SUPT3H: variants seen among roughly 807,000 people sequenced by gnomAD.
SUPT3H encodes the protein transcription initiation protein SPT3 homolog.
SUPT3H carries 44 observed loss-of-function variants against 44.3 expected under a neutral mutation model. The observed-to-expected ratio is 0.99, with a 90% CI of 0.78 to 1.28. SUPT3H has a LOEUF of 1.28. Among genes scored for constraint, SUPT3H ranks in the 50% most tolerant of loss-of-function variants. SUPT3H has a pLI of 0.00. For missense variants in SUPT3H, 380 were observed against 387.1 expected, an observed-to-expected ratio of 0.98 and a Z score of 0.15; for synonymous variants, 124 against 125.6, an observed-to-expected ratio of 0.99 and a Z score of 0.09.
rs550175732 is a variant in SUPT3H, at chr6:44,889,850, C to T, written c.912+42803G>A. 2.4e-3 allele frequency among the ~76,000 whole-genome samples: 358 copies of T among 152,186 alleles called. 1 individual carries two copies. Among genetic ancestry groups the T allele is most frequent in the African/African-American group, 7.8e-3 (326 of 41,534 alleles). ...AACCTACAAAATGGGAGAAAATTTTCGCAACCTACTTATCTGACAAAGGGC... is the reference window on the plus strand; with the variant it reads ...AACCTACAAAATGGGAGAAAATTTTTGCAACCTACTTATCTGACAAAGGGC... On this transcript the variant is annotated intron_variant, in intron 10 of 10. Transcript: ENST00000371459.
intron 10 of SUPT3H, among the ~76,000 whole-genome samples, chr6:44,868,922 A>T (rs1303561620): frequency 1.3e-5 from 2 of 152,122 alleles, no homozygotes; most frequent in Non-Finnish European, 2.9e-5. Flanking sequence ...TGCTATCCCA[A>T]TGGGTGGACC....
At chr6:45,190,270 G>C (rs1418273152) in intron 2 of SUPT3H, among the ~76,000 whole-genome samples, 1 of 151,988 alleles carries the variant, frequency 6.6e-6, no homozygotes, top group Non-Finnish European at 1.5e-5. Context: ...TCTTGAAAAA[G>C]ATTCAAATTC....
At chr6:45,073,422 AAAAGCTTAAT>A (rs1476344242) in intron 3 of SUPT3H, among the ~76,000 whole-genome samples, 1 of 152,056 alleles carries the variant, frequency 6.6e-6, no homozygotes, top group Non-Finnish European at 1.5e-5. Flanking sequence ...AAATACAAAA[AAAAGCTTAAT>A]AAAGATAAAA....
chr6:45,019,583 C>T (rs943237898), intron 4 of SUPT3H, among the ~76,000 whole-genome samples: 9 of 151,996 alleles, frequency 5.9e-5, no homozygotes, highest in African/African-American at 2.2e-4. Context: ...ATCACTCGTT[C>T]TTGACCTTCA....
chr6:44,843,941 ACACAC>A (rs1561872540), intron 10 of SUPT3H, among the ~76,000 whole-genome samples: 2,680 of 151,564 alleles, frequency 0.018, 42 homozygotes, highest in South Asian at 0.039. Context: ...ACACACACAC[ACACAC>A]ACACACACAC....
chr6:45,127,726 C>T, intron 2 of SUPT3H, among the ~76,000 whole-genome samples: 1 of 152,090 alleles, frequency 6.6e-6, no homozygotes, highest in East Asian at 1.9e-4. Context: ...CTTATGTTTA[C>T]TATTTCCTTT....
intron 3 of SUPT3H, among the ~76,000 whole-genome samples, chr6:45,087,225 T>C (rs1022344051): frequency 3.9e-5 from 6 of 151,938 alleles, no homozygotes; most frequent in African/African-American, 1.4e-4. Flanking sequence ...TTTTCGTTGG[T>C]TATTTTTCAA....
intron 2 of SUPT3H, among the ~76,000 whole-genome samples, chr6:45,189,518 A>G (rs910278923): frequency 6.6e-6 from 1 of 152,200 alleles, no homozygotes; most frequent in Admixed American, 6.5e-5. Flanking sequence ...CATTTGACCA[A>G]ATCTATAGAG....
intron 7 of SUPT3H, among the ~76,000 whole-genome samples, chr6:44,961,238 A>G (rs1293319014): frequency 6.6e-6 from 1 of 152,218 alleles, no homozygotes; most frequent in East Asian, 1.9e-4. Context: ...TAGAGCATGT[A>G]CTAATAAATT....
At chr6:44,947,700 T>C (rs1773581665) in intron 9 of SUPT3H, among the ~76,000 whole-genome samples, 1 of 151,904 alleles carries the variant, frequency 6.6e-6, no homozygotes, top group African/African-American at 2.4e-5. Context: ...CAAATGAAAC[T>C]CCAAAAATAA....
chr6:45,235,269 A>G (rs1475660955), intron 2 of SUPT3H, among the ~76,000 whole-genome samples: 1 of 152,208 alleles, frequency 6.6e-6, no homozygotes, highest in Admixed American at 6.5e-5. Flanking sequence ...ACACTTATGA[A>G]TAATTCTAAT....
Position 45,164,030 on chromosome 6 carries a change from G to T in SUPT3H, c.102-58024C>A, listed in dbSNP as rs1354316657. Among the ~76,000 whole-genome samples the T allele has an allele frequency of 2.6e-5, 4 of 152,242 alleles. No homozygotes were observed. The East Asian group carries it at 7.7e-4, about 29-fold the overall frequency. On this transcript the variant is annotated intron_variant, in intron 2 of 10. Transcript: ENST00000371459. ...TCATGATCATTAACAAACATGTAGA[G>T]CAGTGAAAAATCTGAGTAGCTGATA...
chr6:45,347,141 T>C (rs2150165119), intron 2 of SUPT3H, among the ~76,000 whole-genome samples: 1 of 152,282 alleles, frequency 6.6e-6, no homozygotes, highest in South Asian at 2.1e-4. Context: ...GACTAAAGAA[T>C]TATTTACATG....
intron 10 of SUPT3H, among the ~76,000 whole-genome samples, chr6:44,851,848 T>C (rs1183494113): frequency 1.3e-5 from 2 of 152,210 alleles, no homozygotes; most frequent in Non-Finnish European, 2.9e-5. Context: ...ATCAAGATTA[T>C]AAACTCCTAC....
chr6:45,370,878 T>C (rs1369864868), intron 1 of SUPT3H, among the ~76,000 whole-genome samples: 2 of 152,138 alleles, frequency 1.3e-5, no homozygotes, highest in Non-Finnish European at 2.9e-5. Flanking sequence ...CTATTCCATA[T>C]GCTTTCATAT....
chr6:45,136,235 A>G (rs1169930894), intron 2 of SUPT3H, among the ~76,000 whole-genome samples: 2 of 152,230 alleles, frequency 1.3e-5, no homozygotes, highest in East Asian at 3.8e-4. Context: ...GTCAAGCCTA[A>G]AATAAAACAA....
intron 5 of SUPT3H, among the ~76,000 whole-genome samples, chr6:45,007,926 G>T (rs533681998): frequency 7.2e-5 from 11 of 152,100 alleles, no homozygotes; most frequent in African/African-American, 2.7e-4. Context: ...CATATAAATA[G>T]AATAAAATAT....
chr6:44,976,016 G>T (rs1291210442), intron 6 of SUPT3H, among the ~76,000 whole-genome samples: 1 of 152,118 alleles, frequency 6.6e-6, no homozygotes, highest in Non-Finnish European at 1.5e-5. Flanking sequence ...CCTCTAAATG[G>T]AACGTTCTTA....
intron 10 of SUPT3H, among the ~76,000 whole-genome samples, chr6:44,876,769 C>G (rs1777354002): frequency 1.1e-5 from 1 of 88,918 alleles, no homozygotes; most frequent in African/African-American, 4.2e-5. Context: ...AATGAAAACA[C>G]AAAAGCAAAA....
Sources: allele counts gnomAD v4.1 joint callset (sites outside exome capture counted in the v4.1 genomes callset), GRCh38; gene constraint gnomAD v4.1.1; transcripts MANE v1.5; gene names NCBI Gene and HGNC (gene_info 2026-07-23, HGNC 2026-07-21).